Variants in LOXHD1 observed in about 807,000 individuals in gnomAD.
LOXHD1 encodes the protein lipoxygenase homology domain-containing protein 1.
Under a neutral mutation model 248.2 loss-of-function variants are expected in LOXHD1, and 205 were observed. That is an observed-to-expected ratio of 0.83 (90% CI 0.74 to 0.93). The LOEUF (loss-of-function observed/expected upper bound fraction) is 0.93, where lower values mean the gene tolerates loss of function less well. Among genes scored for constraint, LOXHD1 ranks in the 40% least tolerant of loss-of-function variants. LOXHD1 has a pLI of 0.00. For synonymous variants in LOXHD1, 1,113 were observed against 1,162.8 expected, an observed-to-expected ratio of 0.96 and a Z score of 0.87; for missense variants, 2,930 against 2,971.6, an observed-to-expected ratio of 0.99 and a Z score of 0.33.
intron 37 of LOXHD1, among the ~76,000 whole-genome samples, chr18:46,505,541 C>A (rs562259157): frequency 6.6e-6 from 1 of 152,242 alleles, no homozygotes; most frequent in Non-Finnish European, 1.5e-5. Flanking sequence ...AGCTTTTTTT[C>A]TTAATTTTTA....
At chr18:46,505,702 T>C in intron 37 of LOXHD1, 136 bp downstream of exon 37, 2 of 842,970 alleles carry the variant, frequency 2.4e-6, no homozygotes, top group Non-Finnish European at 3.8e-6. Context: ...AGCATCAATG[T>C]GGTGGTCATC....
At chr18:46,517,548 T>C (rs2035321366) in intron 34 of LOXHD1, among the ~76,000 whole-genome samples, 1 of 152,208 alleles carries the variant, frequency 6.6e-6, no homozygotes, top group Non-Finnish European at 1.5e-5. Flanking sequence ...TAAATGTTAG[T>C]GTTGCTGTTA....
intron 10 of LOXHD1, among the ~76,000 whole-genome samples, chr18:46,593,113 C>G (rs956074105): frequency 2.6e-5 from 4 of 152,006 alleles, no homozygotes; most frequent in Non-Finnish European, 5.9e-5. Flanking sequence ...ATTATTCCTA[C>G]CTAAAGGTTG....
In LOXHD1 at chr18:46,569,611, G is replaced by A. The variant is rs187593217; in HGVS notation, c.2075C>T (p.Thr692Ile). Reference sequence around the variant, plus strand: ...CGTGCTGGCCCCAGAGACATCCCCAGTCTTCAAGCTGATGTGATAGCGAAA... The same window carrying A: ...CGTGCTGGCCCCAGAGACATCCCCAATCTTCAAGCTGATGTGATAGCGAAA... The part of the protein sequence containing the change: ...KNFRYHISLK[T>I]GDVSGASTDS... Residue 692 changes from threonine (T) to isoleucine (I), a missense_variant, in exon 16 of 41, where the codon ACT becomes ATT. By Grantham distance (89) the Thr-to-Ile change is moderately conservative. Transcript: ENST00000642948. The A allele has an allele frequency of 6.4e-7, 1 of 1,551,490 alleles. No homozygotes were observed. Among genetic ancestry groups the A allele is most frequent in the East Asian group, 2.4e-5 (1 of 40,910 alleles).
At chr18:46,506,449 A>T (rs2034579152) in intron 36 of LOXHD1, among the ~76,000 whole-genome samples, 1 of 152,250 alleles carries the variant, frequency 6.6e-6, no homozygotes, top group Non-Finnish European at 1.5e-5. Flanking sequence ...ATTCTACACT[A>T]GAGCTTCATA....
intron 12 of LOXHD1, among the ~76,000 whole-genome samples, chr18:46,590,703 C>CA (rs1279307350): frequency 6.6e-6 from 1 of 152,036 alleles, no homozygotes; most frequent in Non-Finnish European, 1.5e-5. Context: ...TTACCGAATG[C>CA]AAAAAGGCAG....
At position 46,477,710 on chromosome 18, in the gene LOXHD1, C is replaced by A. The variant is rs74316327; in HGVS notation, c.6584G>T (p.Arg2195Leu). 4.5e-6 allele frequency: 7 copies of A among 1,551,920 alleles called. No homozygotes were observed. Among genetic ancestry groups the A allele is most frequent in the South Asian group, 2.4e-5 (2 of 84,066 alleles). ...TGTGCTGCCCCGCTCGAAGAGGTTG[C>A]GCATTTTCTGCTTCAGCTCCCGCTT... ...TGKRELKQKMRNLFERGSTDR... is the reference protein window; with the variant it reads ...TGKRELKQKMLNLFERGSTDR... The change falls in exon 41 of 41, where the codon CGC (arginine) becomes CTC (leucine). Residue 2195 changes from arginine to leucine, a missense_variant. Transcript: ENST00000642948.
chr18:46,545,413 T>C lies in LOXHD1; in HGVS notation c.3523A>G (p.Thr1175Ala). ...NLALEQKDKS[T>A]TFSVTIKTGV... ...GTCTTTATGGTCACTGAGAATGTGG[T>C]AGATTTATCTGCCAAGAGAATAGTA... Residue 1175 changes from threonine to alanine, a missense_variant, in exon 23 of 41, where the codon ACC becomes GCC. Physicochemically the swap from Thr to Ala is moderately conservative, Grantham distance 58. Transcript: ENST00000642948. 1.3e-6 allele frequency: 2 copies of C among 1,547,270 alleles called. No individual in the cohort carries two copies. The highest frequency in any genetic ancestry group is 1.8e-6 in the Non-Finnish European group (2 of 1,142,596).
chr18:46,639,520 G>A (rs866785215), intron 4 of LOXHD1, 96 bp downstream of exon 4: 3 of 1,400,226 alleles, frequency 2.1e-6, no homozygotes, highest in Non-Finnish European at 1.9e-6. Context: ...AGATGAGGTA[G>A]GTGAGACTGC....
intron 40 of LOXHD1, among the ~76,000 whole-genome samples, chr18:46,481,117 C>T (rs562998093): frequency 1.3e-5 from 2 of 152,164 alleles, no homozygotes; most frequent in African/African-American, 4.8e-5. Flanking sequence ...CATGTAACTC[C>T]AAATATGGCT....
At chr18:46,481,024 G>C (rs1405832504) in intron 40 of LOXHD1, among the ~76,000 whole-genome samples, 1 of 152,174 alleles carries the variant, frequency 6.6e-6, no homozygotes, top group African/African-American at 2.4e-5. Context: ...CTGCAAAAGA[G>C]GGATCAGAAT....
At chr18:46,574,388 T>TACACACACACACACGCAC (rs2037813163) in intron 14 of LOXHD1, among the ~76,000 whole-genome samples, 2 of 125,242 alleles carry the variant, frequency 1.6e-5, no homozygotes, top group Non-Finnish European at 3.2e-5. Context: ...TGTGTACACA[T>TACACACACACACACGCAC]ACACACACAC....
At chr18:46,602,773 A>G (rs2038358052) in intron 7 of LOXHD1, among the ~76,000 whole-genome samples, 1 of 151,912 alleles carries the variant, frequency 6.6e-6, no homozygotes, top group Non-Finnish European at 1.5e-5. Flanking sequence ...AGGAATGGTC[A>G]TTGCTCTAGA....
intron 37 of LOXHD1, among the ~76,000 whole-genome samples, chr18:46,492,157 G>T (rs1238525090): frequency 6.6e-6 from 1 of 152,164 alleles, no homozygotes; most frequent in Non-Finnish European, 1.5e-5. Context: ...TGCTGATGAT[G>T]ACAGCAGGAT....
At chr18:46,489,772 C>T (rs1388171015) in intron 37 of LOXHD1, among the ~76,000 whole-genome samples, 2 of 152,242 alleles carry the variant, frequency 1.3e-5, no homozygotes, top group African/African-American at 4.8e-5. Flanking sequence ...AGGCCATGAG[C>T]TCTTGAAGGC....
intron 12 of LOXHD1, among the ~76,000 whole-genome samples, chr18:46,580,163 C>T (rs560656631): frequency 3.9e-5 from 6 of 152,236 alleles, no homozygotes; most frequent in African/African-American, 9.6e-5. Context: ...GTCTACTAAA[C>T]GTGAATTGCT....
intron 32 of LOXHD1, among the ~76,000 whole-genome samples, chr18:46,521,808 T>A (rs1029157098): frequency 2.6e-5 from 4 of 152,088 alleles, no homozygotes; most frequent in African/African-American, 9.7e-5. Context: ...CATGAAACTG[T>A]GAGATAATAC....
At chr18:46,642,819 G>A (rs1234374339) in intron 2 of LOXHD1, among the ~76,000 whole-genome samples, 1 of 152,114 alleles carries the variant, frequency 6.6e-6, no homozygotes, top group Non-Finnish European at 1.5e-5. Flanking sequence ...GCAGGGCCGG[G>A]GCCCCTGCCA....
chr18:46,518,199 T>A lies in LOXHD1; in HGVS notation c.5329A>T (p.Asn1777Tyr), dbSNP rs949071515. Residue 1777 changes from asparagine to tyrosine, a missense_variant, in exon 34 of 41, where the codon AAC becomes TAC. Transcript: ENST00000642948. Reference protein sequence around the residue: ...GDVVGGGTDSNIFMTLYGING... With the variant: ...GDVVGGGTDSYIFMTLYGING... The stretch of plus-strand genomic sequence containing the variant: ...ATGCCGTAGAGGGTCATGAAGATGT[T>A]GGAGTCAGTGCCCCCGCCAACCACA... 3.9e-6 allele frequency: 6 copies of A among 1,551,558 alleles called. No individual in the cohort carries two copies. In the African/African-American group the frequency reaches 5.5e-5, roughly 14 times the overall value.
Sources: gnomAD v4.1 joint callset for allele counts (sites outside exome capture counted in the v4.1 genomes callset) on GRCh38, gnomAD v4.1.1 for gene constraint, MANE v1.5 for transcripts, NCBI Gene and HGNC (gene_info 2026-07-23, HGNC 2026-07-21) for gene names.